MPPED2: variants seen among roughly 807,000 people sequenced by gnomAD.
MPPED2 encodes metallophosphoesterase domain containing 2.
In MPPED2, 5 loss-of-function variants were observed where a neutral mutation model predicts 33.0. That is an observed-to-expected ratio of 0.15 (90% CI 0.08 to 0.32). The LOEUF (loss-of-function observed/expected upper bound fraction) is 0.32. Ranked by LOEUF, MPPED2 falls within the 10% of genes least tolerant of loss-of-function variation. The pLI is 1.00. For missense variants in MPPED2, 275 were observed against 372.1 expected (o/e 0.74, Z 2.15); for synonymous variants, 136 against 141.9 (o/e 0.96, Z 0.29).
intron 6 of MPPED2, among the ~76,000 whole-genome samples, chr11:30,402,391 C>T (rs1271101451): frequency 6.6e-6 from 1 of 152,160 alleles, no homozygotes; most frequent in Non-Finnish European, 1.5e-5. Context: ...AACATCCTCA[C>T]AAAAGTCTCT....
chr11:30,548,708 C>G (rs1333957222), intron 2 of MPPED2, among the ~76,000 whole-genome samples: 1 of 152,116 alleles, frequency 6.6e-6, no homozygotes, highest in Non-Finnish European at 1.5e-5. Context: ...AAGCAAAGAA[C>G]TGGAGTAATG....
chr11:30,566,136 T>C (rs1181386352), intron 2 of MPPED2, among the ~76,000 whole-genome samples: 13 of 152,172 alleles, frequency 8.5e-5, no homozygotes, highest in Non-Finnish European at 8.8e-5. Context: ...TCATTTCAAG[T>C]AAACTCCACA....
chr11:30,406,706 T>C (rs751033675), downstream of MPPED2, among the ~76,000 whole-genome samples: 25 of 152,302 alleles, frequency 1.6e-4, no homozygotes, highest in East Asian at 2.9e-3. Context: ...GCTAAGAACC[T>C]GACATCCAGA....
chr11:30,530,949 C>T (rs1286749247), intron 3 of MPPED2, among the ~76,000 whole-genome samples: 1 of 152,094 alleles, frequency 6.6e-6, no homozygotes, highest in Non-Finnish European at 1.5e-5. Context: ...ATGTTCAAGG[C>T]AATAAAAATA....
intron 4 of MPPED2, among the ~76,000 whole-genome samples, chr11:30,474,812 A>C (rs1382330595): frequency 6.6e-6 from 1 of 152,160 alleles, no homozygotes; most frequent in East Asian, 1.9e-4. Context: ...TAAGCCAGTA[A>C]TTTCCAATGT....
intron 4 of MPPED2, among the ~76,000 whole-genome samples, chr11:30,420,538 G>A (rs1283655304): frequency 2.0e-5 from 3 of 152,206 alleles, no homozygotes; most frequent in Non-Finnish European, 1.5e-5. Context: ...TACAACGTCT[G>A]AGCTGCCTAT....
chr11:30,401,294 T>C (rs1338705664), intron 6 of MPPED2, among the ~76,000 whole-genome samples: 3 of 152,210 alleles, frequency 2.0e-5, no homozygotes, highest in African/African-American at 7.2e-5. Flanking sequence ...TTAAGGCTAG[T>C]AGTTAAGGCT....
intron 3 of MPPED2, among the ~76,000 whole-genome samples, chr11:30,517,003 A>C (rs1953570557): frequency 6.6e-6 from 1 of 152,218 alleles, no homozygotes; most frequent in African/African-American, 2.4e-5. Flanking sequence ...ACATCAAATA[A>C]TGGAATGGCG....
In MPPED2 at chr11:30,486,598, G is replaced by A. The variant is rs75644412; in HGVS notation, c.536+8698C>T. 5.3e-5 allele frequency among the ~76,000 whole-genome samples: 8 copies of A among 152,318 alleles called. No homozygotes were observed. The East Asian group carries it at 1.5e-3, about 29-fold the overall frequency. Reference sequence around the variant, plus strand: ...CTCACAGTACGGGAATAAGGTGTCTGAGCTGAAGAAATGATACCAAAAAGC... The same window carrying A: ...CTCACAGTACGGGAATAAGGTGTCTAAGCTGAAGAAATGATACCAAAAAGC... On this transcript the variant is annotated intron_variant, in intron 4 of 6. Coordinates refer to ENST00000358117, the MANE Select transcript of MPPED2 (RefSeq NM_001584.3).
intron 4 of MPPED2, among the ~76,000 whole-genome samples, chr11:30,480,033 A>G (rs539469340): frequency 6.6e-6 from 1 of 152,154 alleles, no homozygotes; most frequent in African/African-American, 2.4e-5. Flanking sequence ...GACTGTTTCA[A>G]CTGGGAGGGT....
intron 3 of MPPED2, among the ~76,000 whole-genome samples, chr11:30,500,234 T>G (rs2134238207): frequency 6.6e-6 from 1 of 152,290 alleles, no homozygotes; most frequent in South Asian, 2.1e-4. Context: ...TACAGTGGTG[T>G]GATCCATTCC....
intron 4 of MPPED2, among the ~76,000 whole-genome samples, chr11:30,462,782 T>C (rs960232048): frequency 6.6e-6 from 1 of 152,196 alleles, no homozygotes; most frequent in Non-Finnish European, 1.5e-5. Flanking sequence ...AGTAAATAGA[T>C]GTATTTATTA....
At chr11:30,401,710 C>A (rs1947910436) in intron 6 of MPPED2, among the ~76,000 whole-genome samples, 1 of 152,180 alleles carries the variant, frequency 6.6e-6, no homozygotes, top group South Asian at 2.1e-4. Flanking sequence ...CGGAGTCTCG[C>A]TCTGTCACCC....
At chr11:30,468,227 T>TACACACACAC (rs1491560438) in intron 4 of MPPED2, among the ~76,000 whole-genome samples, 12 of 101,330 alleles carry the variant, frequency 1.2e-4, no homozygotes, top group African/African-American at 3.1e-4. Flanking sequence ...TATGGCATAC[T>TACACACACAC]ATACACACAC....
chr11:30,563,554 T>C (rs1356465065), intron 2 of MPPED2, among the ~76,000 whole-genome samples: 3 of 151,974 alleles, frequency 2.0e-5, no homozygotes, highest in African/African-American at 7.3e-5. Context: ...TGACAGGAGA[T>C]AGTAGGGGCA....
chr11:30,395,336 A>G (rs201876331), intron 6 of MPPED2, among the ~76,000 whole-genome samples: 229 of 152,288 alleles, frequency 1.5e-3, no homozygotes, highest in Non-Finnish European at 2.7e-3. Flanking sequence ...AAGATAACTG[A>G]ACCCCAGATA....
intron 3 of MPPED2, among the ~76,000 whole-genome samples, chr11:30,497,146 T>G (rs1952303136): frequency 6.6e-6 from 1 of 152,184 alleles, no homozygotes. Context: ...ATAGGAAGCC[T>G]CCCTCAAATG....
intron 2 of MPPED2, among the ~76,000 whole-genome samples, chr11:30,546,168 A>G (rs1178682859): frequency 6.6e-6 from 1 of 152,234 alleles, no homozygotes; most frequent in Non-Finnish European, 1.5e-5. Flanking sequence ...CAAAGTTCGG[A>G]AAAAACAATA....
intron 2 of MPPED2, among the ~76,000 whole-genome samples, chr11:30,570,272 A>G (rs1197773842): frequency 6.6e-6 from 1 of 152,066 alleles, no homozygotes; most frequent in East Asian, 1.9e-4. Context: ...AAGAAGAACA[A>G]GGGGTTACTC....
Sources: gnomAD v4.1 joint callset for allele counts (sites outside exome capture counted in the v4.1 genomes callset) on GRCh38, gnomAD v4.1.1 for gene constraint, MANE v1.5 for transcripts, NCBI Gene and HGNC (gene_info 2026-07-23, HGNC 2026-07-21) for gene names.